STARD13: variants seen among roughly 807,000 people sequenced by gnomAD.
STARD13 encodes the protein stAR-related lipid transfer protein 13.
In STARD13, 62 loss-of-function variants were observed where a neutral mutation model predicts 106.4. The ratio of observed to expected loss-of-function variants is 0.58; its 90% CI spans 0.48 to 0.72. STARD13 has a LOEUF of 0.72. STARD13 is among the 30% of genes least tolerant of loss of function. STARD13 has a pLI of 0.00. For missense variants in STARD13, 1,387 were observed against 1,424.0 expected, an observed-to-expected ratio of 0.97 and a Z score of 0.42; for synonymous variants, 565 against 553.0, an observed-to-expected ratio of 1.02 and a Z score of -0.31.
intron 1 of STARD13, among the ~76,000 whole-genome samples, chr13:33,223,653 C>A (rs1192650463): frequency 3.4e-5 from 5 of 146,840 alleles, no homozygotes; most frequent in Non-Finnish European, 7.5e-5. Context: ...GAGCAAAACT[C>A]CATCTCAATA....
chr13:33,437,154 C>G, the STARD13 span, among the ~76,000 whole-genome samples: 1 of 152,332 alleles, frequency 6.6e-6, no homozygotes, highest in East Asian at 1.9e-4. Context: ...AGATTGACCC[C>G]TAACCTAATC....
At chr13:33,391,726 A>G in the STARD13 span, among the ~76,000 whole-genome samples, 1 of 152,108 alleles carries the variant, frequency 6.6e-6, no homozygotes, top group East Asian at 1.9e-4. Context: ...TGCTCACCAC[A>G]TCATTACTGA....
At chr13:33,160,377 C>T (rs1566035715) in intron 3 of STARD13, among the ~76,000 whole-genome samples, 1 of 151,840 alleles carries the variant, frequency 6.6e-6, no homozygotes, top group Admixed American at 6.6e-5. Context: ...TAGTTGTGAC[C>T]CTATGTTAGG....
the STARD13 span, among the ~76,000 whole-genome samples, chr13:33,419,340 T>A: frequency 1.1e-4 from 17 of 152,026 alleles, no homozygotes; most frequent in African/African-American, 4.1e-4. Flanking sequence ...CAATAGCCGA[T>A]TCAATCAAGT....
intron 7 of STARD13, among the ~76,000 whole-genome samples, chr13:33,122,098 G>A (rs554257309): frequency 4.6e-5 from 7 of 152,066 alleles, no homozygotes; most frequent in African/African-American, 1.2e-4. Context: ...CACCAGCTTC[G>A]GCCTCCCAAA....
At chr13:33,498,271 C>T in the STARD13 span, among the ~76,000 whole-genome samples, 1 of 152,154 alleles carries the variant, frequency 6.6e-6, no homozygotes, top group Non-Finnish European at 1.5e-5. Context: ...GCTAAGTGCA[C>T]ACTCTGGGTC....
At chr13:33,541,731 C>T in the STARD13 span, among the ~76,000 whole-genome samples, 3,141 of 152,218 alleles carry the variant, frequency 0.021, 62 homozygotes, top group Non-Finnish European at 0.033. Flanking sequence ...AAGTGTTTAC[C>T]AAGGCTGAAG....
chr13:33,459,701 C>T, the STARD13 span, among the ~76,000 whole-genome samples: 1 of 152,142 alleles, frequency 6.6e-6, no homozygotes, highest in African/African-American at 2.4e-5. Context: ...TGCTATGTTC[C>T]TTTTGCCTAA....
chr13:33,149,896 G>T (rs1365912684), intron 3 of STARD13, among the ~76,000 whole-genome samples: 1 of 152,184 alleles, frequency 6.6e-6, no homozygotes, highest in African/African-American at 2.4e-5. Context: ...TTTAGCCCCA[G>T]TATCTGCTTC....
the STARD13 span, among the ~76,000 whole-genome samples, chr13:33,461,800 G>A: frequency 6.6e-6 from 1 of 151,940 alleles, no homozygotes; most frequent in African/African-American, 2.4e-5. Flanking sequence ...ATTTAAAACT[G>A]GGAATAGACA....
chr13:33,368,450 C>A, the STARD13 span, among the ~76,000 whole-genome samples: 2 of 152,102 alleles, frequency 1.3e-5, no homozygotes, highest in Non-Finnish European at 2.9e-5. Flanking sequence ...TATGGGCTTT[C>A]AAAAATTAAG....
At chr13:33,602,019 TAGG>T in the STARD13 span, among the ~76,000 whole-genome samples, 1 of 151,996 alleles carries the variant, frequency 6.6e-6, no homozygotes, top group Non-Finnish European at 1.5e-5. Flanking sequence ...TGAGAATAAA[TAGG>T]AGGATCTGGC....
the STARD13 span, among the ~76,000 whole-genome samples, chr13:33,501,170 G>A: frequency 8.5e-5 from 12 of 140,974 alleles, no homozygotes; most frequent in East Asian, 1.3e-3. Context: ...TCTGTCTCCC[G>A]GGTTCAAGCA....
rs1052166828 is a variant in STARD13 at position 33,291,373 on chromosome 13, G to A, written c.124+58917C>T. On this transcript the variant is annotated intron_variant, in intron 1 of 5. Coordinates refer to the STARD13 transcript ENST00000567873. ...ACTTTAGCCATTCATCCAGCTGACT[G>A]CTCTCTTTTGGATCTGCTCCAGTCT... 2.0e-5 allele frequency among the ~76,000 whole-genome samples: 3 copies of A among 152,128 alleles called. No individual in the cohort carries two copies. The East Asian group carries it at 5.8e-4, about 29-fold the overall frequency.
At chr13:33,389,694 A>G in the STARD13 span, among the ~76,000 whole-genome samples, 1 of 152,210 alleles carries the variant, frequency 6.6e-6, no homozygotes, top group Non-Finnish European at 1.5e-5. Flanking sequence ...AATAAAATTT[A>G]AAAGTTTACT....
At chr13:33,655,536 T>C in the STARD13 span, among the ~76,000 whole-genome samples, 1 of 152,206 alleles carries the variant, frequency 6.6e-6, no homozygotes, top group Admixed American at 6.5e-5. Context: ...TCTCCAGGTA[T>C]GAGTGATCAC....
chr13:33,347,438 G>T (rs1431139782), downstream of STARD13, among the ~76,000 whole-genome samples: 3 of 151,938 alleles, frequency 2.0e-5, no homozygotes, highest in Admixed American at 2.0e-4. Flanking sequence ...GTAGAGATGG[G>T]GTTTCACTAT....
the STARD13 span, among the ~76,000 whole-genome samples, chr13:33,376,278 G>C: frequency 6.6e-6 from 1 of 152,136 alleles, no homozygotes; most frequent in Non-Finnish European, 1.5e-5. Flanking sequence ...TTATATGCCA[G>C]GTACTGTTCT....
the STARD13 span, among the ~76,000 whole-genome samples, chr13:33,396,003 G>A: frequency 6.6e-6 from 1 of 151,392 alleles, no homozygotes; most frequent in East Asian, 2.0e-4. Flanking sequence ...CACCATGCCT[G>A]GCTAATTTTT....
Sources: gnomAD v4.1 joint callset for allele counts (sites outside exome capture counted in the v4.1 genomes callset) on GRCh38, gnomAD v4.1.1 for gene constraint, MANE v1.5 for transcripts, NCBI Gene and HGNC (gene_info 2026-07-23, HGNC 2026-07-21) for gene names.